Variants in KCTD2 observed in about 807,000 individuals in gnomAD.
KCTD2 encodes potassium channel tetramerization domain containing 2.
Under a neutral mutation model 27.9 loss-of-function variants are expected in KCTD2, and 18 were observed. That is an observed-to-expected ratio of 0.64 (90% CI 0.45 to 0.96). The LOEUF is 0.96. Among genes scored for constraint, KCTD2 ranks in the 40% least tolerant of loss-of-function variants. KCTD2 has a pLI of 0.00. For missense variants in KCTD2, 280 were observed against 348.0 expected (o/e 0.80, Z 1.56); for synonymous variants, 175 against 148.4 (o/e 1.18, Z -1.30).
chr17:75,039,891 A>G (rs2073141129), intron 3 of KCTD2: 5 of 625,650 alleles, frequency 8.0e-6, no homozygotes, highest in Non-Finnish European at 8.4e-6. Context: ...ATCATATGCT[A>G]TACTCTTCTT....
At chr17:75,053,686 G>A (rs979841589) in intron 3 of KCTD2, among the ~76,000 whole-genome samples, 5 of 151,704 alleles carry the variant, frequency 3.3e-5, no homozygotes, top group Non-Finnish European at 5.9e-5. Context: ...CAGGTGATCT[G>A]CCCGCCTCAG....
rs1826131065 is a variant in KCTD2, at chr17:75,064,144, TCTGACCACCCCC to T, written c.*1104_*1115del. On this transcript the variant is annotated 3_prime_UTR_variant, in exon 6 of 6. Transcript: ENST00000322444. ...AGGCAGTCTGGGGACCCCCTGTGTC[TCTGACCACCCCC>T]CTGACCCCCGCCATTACTTTCTTTT... 1 of 152,846 alleles carries T rather than the reference TCTGACCACCCCC, an allele frequency of 6.5e-6. No homozygotes were observed. Among genetic ancestry groups the T allele is most frequent in the South Asian group, 2.1e-4 (1 of 4,836 alleles). 9.5% of individuals were successfully genotyped at this position (152,846 alleles called of 1,614,324 possible). A position where few individuals can be genotyped will look rare whatever the true frequency, so the allele number is the denominator to read the frequency against.
intron 3 of KCTD2, chr17:75,035,952 A>C (rs1173944046): frequency 2.4e-6 from 1 of 409,762 alleles, no homozygotes; most frequent in East Asian, 7.5e-5. Context: ...CTCACACGGC[A>C]CCCACCACCC....
chr17:75,049,159 C>G (rs761862946), intron 1 of KCTD2, 61 bp from the exon 2 acceptor site: 1 of 1,001,298 alleles, frequency 1.0e-6, no homozygotes, highest in Non-Finnish European at 1.5e-6. Flanking sequence ...AAATCCTGCC[C>G]TGCCTTTGTT....
chr17:75,040,459 C>G (rs554566500), intron 3 of KCTD2: 2 of 411,020 alleles, frequency 4.9e-6, no homozygotes, highest in East Asian at 9.2e-5. Context: ...AAAAGGACAG[C>G]TGGACTTGAT....
rs541556703 is a variant in KCTD2 at position 75,036,747 on chromosome 17, T to G, written c.-259+1390T>G. On this transcript the variant is annotated intron_variant, in intron 3 of 7. Coordinates refer to the KCTD2 transcript ENST00000581589. The stretch of plus-strand genomic sequence containing the variant: ...CTTGGCTGTCGTCTGCATCCTCAGA[T>G]CCTCAGCGGGATGGCTGAGTGCCAG... 1.6e-3 allele frequency among the ~76,000 whole-genome samples: 246 copies of G among 152,306 alleles called. 3 individuals are homozygous for G. The South Asian group carries it at 0.022, about 13-fold the overall frequency.
upstream of KCTD2, among the ~76,000 whole-genome samples, chr17:75,045,491 C>T (rs2073205020): frequency 2.0e-5 from 3 of 152,222 alleles, no homozygotes; most frequent in South Asian, 6.2e-4. Context: ...CCATAAGAGA[C>T]AGGTACGCCC....
At chr17:75,062,565 A>G (rs2073414848) in intron 5 of KCTD2, among the ~76,000 whole-genome samples, 1 of 125,898 alleles carries the variant, frequency 7.9e-6, no homozygotes, top group South Asian at 3.1e-4. Flanking sequence ...AGGTATTTTG[A>G]TTTATTCTTT....
In KCTD2 at chr17:75,063,797, C is replaced by A. The variant is rs2073429061; in HGVS notation, c.*750C>A. 6.8e-6 allele frequency: 1 copy of A among 147,446 alleles called. No individual in the cohort carries two copies. Among genetic ancestry groups the A allele is most frequent in the Non-Finnish European group, 1.5e-5 (1 of 67,628 alleles). 9.1% of individuals were successfully genotyped at this position (147,446 alleles called of 1,614,324 possible). ...AGAAGAGGTTTGAGACAGGCGGCAT[C>A]CTGCACTGAGTCAGACAAGTGGGAG... On this transcript the variant is annotated 3_prime_UTR_variant, in exon 6 of 6. Coordinates refer to ENST00000322444, the MANE Select transcript of KCTD2 (RefSeq NM_015353.3).
At chr17:75,033,095 C>T (rs1371710136) in intron 1 of KCTD2, 1 of 152,152 alleles carries the variant, frequency 6.6e-6, no homozygotes, top group African/African-American at 2.4e-5. Context: ...TTAAATCCTT[C>T]GGATGTGAGT....
intron 3 of KCTD2, among the ~76,000 whole-genome samples, chr17:75,036,489 A>G (rs2040115216): frequency 1.3e-5 from 2 of 152,210 alleles, no homozygotes; most frequent in Non-Finnish European, 2.9e-5. Context: ...AAGAGGGCAT[A>G]AAAAATAAAA....
intron 4 of KCTD2, 138 bp from the exon 5 acceptor site, chr17:75,061,982 T>C (rs2073408133): frequency 1.1e-6 from 1 of 894,490 alleles, no homozygotes; most frequent in African/African-American, 1.8e-5. Flanking sequence ...GGGGCTTTGG[T>C]AGTCACAGAG....
intron 2 of KCTD2, among the ~76,000 whole-genome samples, chr17:75,051,433 T>C (rs944551333): frequency 2.6e-5 from 4 of 151,856 alleles, no homozygotes; most frequent in East Asian, 1.9e-4. Flanking sequence ...TACAGGTGCA[T>C]GCCACCACGC....
upstream of KCTD2, among the ~76,000 whole-genome samples, chr17:75,044,149 G>A (rs866317219): frequency 8.1e-5 from 12 of 147,844 alleles, no homozygotes; most frequent in African/African-American, 2.0e-4. Context: ...CTCAGCCTCC[G>A]GAGTAGCTGG....
chr17:75,043,162 A>C (rs1318116443), upstream of KCTD2, among the ~76,000 whole-genome samples: 1 of 152,218 alleles, frequency 6.6e-6, no homozygotes, highest in Non-Finnish European at 1.5e-5. Context: ...CAGAGGTTGT[A>C]ATGAGCTGAG....
At chr17:75,039,283 AAG>A (rs1338100755) in intron 3 of KCTD2, 3 of 1,613,762 alleles carry the variant, frequency 1.9e-6, no homozygotes, top group Non-Finnish European at 2.5e-6. Context: ...TTTAAGAAGA[AAG>A]AGAAATTCAG....
chr17:75,039,958 G>T, intron 3 of KCTD2: 1 of 899,642 alleles, frequency 1.1e-6, no homozygotes, highest in Non-Finnish European at 1.7e-6. Context: ...CCATGTTGTT[G>T]CATTTATTGA....
intron 3 of KCTD2, chr17:75,042,206 C>G (rs2073168272): frequency 6.2e-7 from 1 of 1,614,090 alleles, no homozygotes; most frequent in Non-Finnish European, 8.5e-7. Flanking sequence ...ATCCACCAAG[C>G]CAGCCTTGGC....
intron 3 of KCTD2, 25 bp downstream of exon 3, chr17:75,053,130 A>G (rs751078885): frequency 6.3e-7 from 1 of 1,580,074 alleles, no homozygotes; most frequent in South Asian, 1.1e-5. Context: ...ACTGTTAAGG[A>G]GGGTTGTTTC....
Sources: gnomAD v4.1 joint callset for allele counts (sites outside exome capture counted in the v4.1 genomes callset) on GRCh38, gnomAD v4.1.1 for gene constraint, MANE v1.5 for transcripts, NCBI Gene and HGNC (gene_info 2026-07-23, HGNC 2026-07-21) for gene names.